The following LINGO2 variants were observed in gnomAD, a reference collection of about 807,000 sequenced individuals.
LINGO2 encodes leucine-rich repeat and immunoglobulin-like domain-containing nogo receptor-interacting protein 2.
A neutral mutation model predicts 30.6 loss-of-function variants in LINGO2; 14 were observed. That is an observed-to-expected ratio of 0.46 (90% CI 0.30 to 0.72). The LOEUF (loss-of-function observed/expected upper bound fraction) is 0.72, where lower values mean the gene tolerates loss of function less well. Among genes scored for constraint, LINGO2 ranks in the 30% least tolerant of loss-of-function variants. LINGO2 has a pLI of 0.07. For synonymous variants in LINGO2, 317 were observed against 288.5 expected, an observed-to-expected ratio of 1.10 and a Z score of -1.00; for missense variants, 729 against 751.7, an observed-to-expected ratio of 0.97 and a Z score of 0.35.
chr9:28,929,476 T>C, the LINGO2 span, among the ~76,000 whole-genome samples: 1 of 152,140 alleles, frequency 6.6e-6, no homozygotes, highest in Non-Finnish European at 1.5e-5. Flanking sequence ...AGAAGGCAGC[T>C]AGAGTTCTCA....
At chr9:28,982,977 G>GT in the LINGO2 span, among the ~76,000 whole-genome samples, 1 of 151,192 alleles carries the variant, frequency 6.6e-6, no homozygotes, top group Non-Finnish European at 1.5e-5. Flanking sequence ...TCATTTGGTT[G>GT]TTTTTTTAAT....
At chr9:28,717,315 C>A in the LINGO2 span, among the ~76,000 whole-genome samples, 1 of 145,538 alleles carries the variant, frequency 6.9e-6, no homozygotes. Flanking sequence ...TTCCCATGGC[C>A]ACAACTTGAT....
Position 28,051,309 on chromosome 9 carries a change from C to T in LINGO2, c.-86-38904G>A, listed in dbSNP as rs539899553. ...AGTTCATAAAACATATGACAAATCCCTCCGTCTCTGCAGAAAAGTTTCTTT... is the reference window on the plus strand; with the variant it reads ...AGTTCATAAAACATATGACAAATCCTTCCGTCTCTGCAGAAAAGTTTCTTT... On this transcript the variant is annotated intron_variant, in intron 4 of 5. Coordinates refer to ENST00000379992, the Ensembl canonical transcript of LINGO2. Among the ~76,000 whole-genome samples the T allele has an allele frequency of 4.6e-5, 7 of 152,152 alleles. No individual in the cohort carries two copies. The South Asian group carries it at 6.2e-4, about 14-fold the overall frequency.
chr9:28,025,253 CAA>C (rs892394851), intron 4 of LINGO2, among the ~76,000 whole-genome samples: 1 of 152,160 alleles, frequency 6.6e-6, no homozygotes, highest in Non-Finnish European at 1.5e-5. Flanking sequence ...AAGACCAAGA[CAA>C]AATATTTCTT....
chr9:28,460,953 TA>T (rs1825056740), intron 2 of LINGO2, among the ~76,000 whole-genome samples: 1 of 152,154 alleles, frequency 6.6e-6, no homozygotes, highest in African/African-American at 2.4e-5. Flanking sequence ...AACTTTTTTT[TA>T]AAACCCTACA....
chr9:28,692,222 C>A, the LINGO2 span, among the ~76,000 whole-genome samples: 1 of 152,114 alleles, frequency 6.6e-6, no homozygotes, highest in Non-Finnish European at 1.5e-5. Context: ...CACCTGTAAT[C>A]CTAGCACTTT....
At chr9:28,443,746 G>T (rs1450599488) in intron 2 of LINGO2, among the ~76,000 whole-genome samples, 1 of 152,208 alleles carries the variant, frequency 6.6e-6, no homozygotes, top group African/African-American at 2.4e-5. Context: ...CTCAGTGTGG[G>T]CCTGTGGGCG....
At chr9:28,883,411 T>C in the LINGO2 span, among the ~76,000 whole-genome samples, 1 of 151,566 alleles carries the variant, frequency 6.6e-6, no homozygotes, top group Admixed American at 6.6e-5. Context: ...TCCTTCTGCC[T>C]AGAACATTCT....
At position 28,084,178 on chromosome 9, in the gene LINGO2, T is replaced by G. The variant is rs183762032; in HGVS notation, c.-86-71773A>C. 2.0e-3 allele frequency among the ~76,000 whole-genome samples: 300 copies of G among 152,250 alleles called. 1 individual carries two copies. Among genetic ancestry groups the G allele is most frequent in the African/African-American group, 6.9e-3 (285 of 41,550 alleles). ...GCATATTTATACCGTTTTAAAGAATTTGTTATAGTCTAGTTTAGGGTGTTT... is the reference window on the plus strand; with the variant it reads ...GCATATTTATACCGTTTTAAAGAATGTGTTATAGTCTAGTTTAGGGTGTTT... On this transcript the variant is annotated intron_variant, in intron 4 of 5. Transcript: ENST00000379992.
chr9:29,109,705 G>C, the LINGO2 span, among the ~76,000 whole-genome samples: 1 of 152,176 alleles, frequency 6.6e-6, no homozygotes, highest in African/African-American at 2.4e-5. Context: ...TCTTCATTTC[G>C]TAACAAATTT....
chr9:29,146,271 G>A, the LINGO2 span, among the ~76,000 whole-genome samples: 4 of 152,022 alleles, frequency 2.6e-5, no homozygotes, highest in African/African-American at 4.8e-5. Flanking sequence ...CAGGAGAATC[G>A]GTTGAACCAG....
the LINGO2 span, among the ~76,000 whole-genome samples, chr9:28,677,678 C>T: frequency 2.6e-5 from 4 of 152,118 alleles, no homozygotes; most frequent in Non-Finnish European, 5.9e-5. Context: ...TTTACAACTG[C>T]CCATATTCAT....
the LINGO2 span, among the ~76,000 whole-genome samples, chr9:29,114,995 C>T: frequency 4.6e-5 from 7 of 151,766 alleles, no homozygotes; most frequent in South Asian, 2.1e-4. Context: ...TTTTATTTTC[C>T]GACAAACTTT....
chr9:28,906,425 T>G, the LINGO2 span, among the ~76,000 whole-genome samples: 483 of 151,836 alleles, frequency 3.2e-3, 2 homozygotes, highest in African/African-American at 0.011. Flanking sequence ...TTTTTATTTA[T>G]AAATTAAAAA....
At chr9:28,930,764 G>C in the LINGO2 span, among the ~76,000 whole-genome samples, 1 of 152,150 alleles carries the variant, frequency 6.6e-6, no homozygotes, top group African/African-American at 2.4e-5. This position sits in a 1 kb window ranked among gnomAD's most constrained non-coding sequence, Gnocchi z 4.2. Context: ...TCAACCAATG[G>C]CAAATTCAGG....
chr9:28,558,193 T>C (rs1377533426), intron 1 of LINGO2, among the ~76,000 whole-genome samples: 1 of 151,660 alleles, frequency 6.6e-6, no homozygotes, highest in Non-Finnish European at 1.5e-5. Flanking sequence ...AATGGGTCTG[T>C]TGAACCCATT....
the LINGO2 span, among the ~76,000 whole-genome samples, chr9:28,734,216 T>C: frequency 6.6e-6 from 1 of 152,116 alleles, no homozygotes; most frequent in South Asian, 2.1e-4. Flanking sequence ...ACCACGACAG[T>C]CAAGCTGATA....
intron 1 of LINGO2, among the ~76,000 whole-genome samples, chr9:28,657,686 C>G (rs1199022813): frequency 2.0e-5 from 3 of 151,962 alleles, no homozygotes; most frequent in African/African-American, 7.2e-5. Flanking sequence ...CATTCTTGCT[C>G]TTTTCAAAGA....
At chr9:28,350,505 C>T (rs62555419) in intron 3 of LINGO2, among the ~76,000 whole-genome samples, 47,155 of 141,814 alleles carry the variant, frequency 0.33, 8,809 homozygotes, top group Non-Finnish European at 0.43. Context: ...TAAAGCGAGT[C>T]CTGAGTGACC....
Sources: allele counts gnomAD v4.1 joint callset (sites outside exome capture counted in the v4.1 genomes callset), GRCh38; gene constraint gnomAD v4.1.1; non-coding constraint Gnocchi (gnomAD v3.1); transcripts MANE v1.5; gene names NCBI Gene and HGNC (gene_info 2026-07-23, HGNC 2026-07-21).